Variants in XRN2 observed in about 807,000 individuals in gnomAD.
The protein encoded by XRN2 is DHM1-like protein.
A neutral mutation model predicts 138.5 loss-of-function variants in XRN2; 44 were observed. That is an observed-to-expected ratio of 0.32 (90% CI 0.25 to 0.41). XRN2 has a LOEUF of 0.41. XRN2 is among the 10% of genes least tolerant of loss of function. XRN2 has a pLI of 1.00. For missense variants in XRN2, 937 were observed against 1,169.3 expected (o/e 0.80, Z 2.90); for synonymous variants, 354 against 369.4 (o/e 0.96, Z 0.48).
chr20:21,348,078 T>C, intron 17 of XRN2, 68 bp from the exon 18 acceptor site: 1 of 144 alleles, frequency 6.9e-3, no homozygotes. Context: ...CTAATTTTTG[T>C]TTTTTTTAAT....
chr20:21,353,251 T>G (rs1600702376), intron 20 of XRN2, among the ~76,000 whole-genome samples: 1 of 16,482 alleles, frequency 6.1e-5, no homozygotes, highest in Non-Finnish European at 1.6e-4. Context: ...TATATATATA[T>G]ATATATATAT....
intron 20 of XRN2, among the ~76,000 whole-genome samples, chr20:21,349,696 T>C (rs769369076): frequency 6.6e-6 from 1 of 152,028 alleles, no homozygotes; most frequent in Non-Finnish European, 1.5e-5. Context: ...GGAGCCACGA[T>C]TGCACCACTG....
At chr20:21,332,551 C>CT in intron 9 of XRN2, 111 bp downstream of exon 9, 2 of 1,087,354 alleles carry the variant, frequency 1.8e-6, no homozygotes, top group Non-Finnish European at 2.5e-6. Flanking sequence ...AATTAAATAG[C>CT]ATTAAATATT....
intron 13 of XRN2, among the ~76,000 whole-genome samples, chr20:21,337,185 TG>T (rs2038307053): frequency 6.6e-6 from 1 of 152,302 alleles, no homozygotes; most frequent in African/African-American, 2.4e-5. Context: ...CTAGCTGCCA[TG>T]TTGGAAGTAC....
intron 27 of XRN2, among the ~76,000 whole-genome samples, chr20:21,381,788 T>TA (rs1182342977): frequency 1.3e-5 from 2 of 152,244 alleles, no homozygotes; most frequent in Non-Finnish European, 2.9e-5. Flanking sequence ...CCTATTTTGT[T>TA]ATCAAAGGAA....
At chr20:21,341,796 C>T (rs757918745) in intron 15 of XRN2, among the ~76,000 whole-genome samples, 1 of 152,174 alleles carries the variant, frequency 6.6e-6, no homozygotes, top group Non-Finnish European at 1.5e-5. Flanking sequence ...ACCATCCCCG[C>T]AGAGCAGAAC....
At chr20:21,304,472 C>T (rs2037787472) in intron 1 of XRN2, among the ~76,000 whole-genome samples, 2 of 151,532 alleles carry the variant, frequency 1.3e-5, no homozygotes, top group South Asian at 2.1e-4. Context: ...ATACTTGTTT[C>T]CTTTGTAAAA....
At chr20:21,326,449 GA>G in intron 2 of XRN2, 40 bp from the exon 3 acceptor site, 1 of 1,613,622 alleles carries the variant, frequency 6.2e-7, no homozygotes, top group Non-Finnish European at 8.5e-7. Flanking sequence ...AATCACAGAG[GA>G]AACATTATAT....
At chr20:21,355,283 A>G (rs373510954) in intron 21 of XRN2, among the ~76,000 whole-genome samples, 3 of 152,228 alleles carry the variant, frequency 2.0e-5, no homozygotes, top group Admixed American at 6.5e-5. Context: ...AAACAAAAGC[A>G]TATGCTCTTA....
At chr20:21,346,391 T>A (rs1216298979) in intron 16 of XRN2, 24 bp from the exon 17 acceptor site, 1 of 1,613,556 alleles carries the variant, frequency 6.2e-7, no homozygotes, top group Admixed American at 1.7e-5. Context: ...TAATTCAGCA[T>A]AAATGAGCTG....
intron 14 of XRN2, among the ~76,000 whole-genome samples, chr20:21,340,330 CTAAGTA>C (rs2038355009): frequency 6.6e-6 from 1 of 152,054 alleles, no homozygotes; most frequent in Admixed American, 6.6e-5. Flanking sequence ...GTTGTATTTC[CTAAGTA>C]TAACTCAAAC....
chr20:21,358,403 C>T (rs780987225), intron 24 of XRN2, among the ~76,000 whole-genome samples: 1 of 152,020 alleles, frequency 6.6e-6, no homozygotes, highest in Non-Finnish European at 1.5e-5. Context: ...GACTAAAATC[C>T]AACAAATTGA....
intron 26 of XRN2, among the ~76,000 whole-genome samples, chr20:21,366,562 A>C (rs1170290383): frequency 7.1e-6 from 1 of 140,458 alleles, no homozygotes; most frequent in African/African-American, 2.6e-5. Flanking sequence ...CGTCTCAACC[A>C]AAAAAAAAAA....
In XRN2 at chr20:21,349,713, A is replaced by G. The variant is rs2038482522; in HGVS notation, c.1936+252A>G. Reference sequence around the variant, plus strand: ...AGCCACGATTGCACCACTGCATTCCAGCCTGGAAGACAGAGTGAGGCCCTG... The same window carrying G: ...AGCCACGATTGCACCACTGCATTCCGGCCTGGAAGACAGAGTGAGGCCCTG... On this transcript the variant is annotated intron_variant, in intron 20 of 29. Coordinates refer to ENST00000377191, the MANE Select transcript of XRN2 (RefSeq NM_012255.5). Among the ~76,000 whole-genome samples, 2 of 152,170 alleles carry G rather than the reference A, an allele frequency of 1.3e-5. 1 individual carries two copies. Among genetic ancestry groups the G allele is most frequent in the South Asian group, 4.1e-4 (2 of 4,822 alleles).
intron 28 of XRN2, among the ~76,000 whole-genome samples, chr20:21,382,643 A>T (rs1292714963): frequency 6.6e-6 from 1 of 152,178 alleles, no homozygotes; most frequent in Non-Finnish European, 1.5e-5. Context: ...TCAGAAGAGG[A>T]TTATGGGATC....
At chr20:21,333,484 G>A in intron 9 of XRN2, 60 bp from the exon 10 acceptor site, 6 of 1,570,604 alleles carry the variant, frequency 3.8e-6, no homozygotes, top group Non-Finnish European at 4.4e-6. Flanking sequence ...AATTTGCTTG[G>A]TTGGAAAAAA....
chr20:21,388,127 G>A (rs567923252), intron 29 of XRN2, among the ~76,000 whole-genome samples: 35 of 152,258 alleles, frequency 2.3e-4, no homozygotes, highest in African/African-American at 8.4e-4. Flanking sequence ...TTTGTAACTG[G>A]AAGAAACCTT....
At chr20:21,313,323 C>T (rs917495281) in intron 1 of XRN2, among the ~76,000 whole-genome samples, 2 of 152,182 alleles carry the variant, frequency 1.3e-5, no homozygotes, top group Non-Finnish European at 2.9e-5. Context: ...GGCTGCGTGT[C>T]CTCATTTGTT....
At chr20:21,377,795 G>T (rs1476244437) in intron 27 of XRN2, among the ~76,000 whole-genome samples, 3 of 152,202 alleles carry the variant, frequency 2.0e-5, no homozygotes, top group African/African-American at 7.2e-5. Flanking sequence ...GGATTGTAGA[G>T]TGAATCTAAG....
Sources: gnomAD v4.1 joint callset for allele counts (sites outside exome capture counted in the v4.1 genomes callset) on GRCh38, gnomAD v4.1.1 for gene constraint, MANE v1.5 for transcripts, NCBI Gene and HGNC (gene_info 2026-07-23, HGNC 2026-07-21) for gene names.